The following PCDHA2 variants were observed in gnomAD, a reference collection of about 807,000 sequenced individuals.
PCDHA2 encodes the protein protocadherin alpha 2.
PCDHA2 carries 58 observed loss-of-function variants against 66.0 expected under a neutral mutation model. The ratio of observed to expected loss-of-function variants is 0.88; its 90% CI spans 0.71 to 1.09. The LOEUF (loss-of-function observed/expected upper bound fraction) is 1.09, where lower values mean the gene tolerates loss of function less well. Among genes scored for constraint, PCDHA2 ranks in the 50% least tolerant of loss-of-function variants. PCDHA2 has a pLI of 0.00. For missense variants in PCDHA2, 1,267 were observed against 1,242.3 expected (o/e 1.02, Z -0.30); for synonymous variants, 634 against 554.0 (o/e 1.14, Z -2.03).
intron 1 of PCDHA2, among the ~76,000 whole-genome samples, chr5:140,945,121 C>T (rs1412218992): frequency 6.6e-6 from 1 of 152,042 alleles, no homozygotes; most frequent in East Asian, 1.9e-4. Context: ...GATAAAAAAT[C>T]AACTTACAAA....
At position 140,982,478 on chromosome 5, in the gene PCDHA2, T is replaced by C; in HGVS notation, c.2451T>C (p.Ser817=). ...CTGGGTCTGTGTGTTTATTCAGCTCTGTGCACCTAGAGGAGGCTGGCATTC... is the reference window on the plus strand; with the variant it reads ...CTGGGTCTGTGTGTTTATTCAGCTCCGTGCACCTAGAGGAGGCTGGCATTC... ...SASLRAGMHS[S]VHLEEAGILR... Residue 817 remains serine (S), a synonymous_variant, in exon 3 of 4, where the codon TCT becomes TCC. Coordinates refer to ENST00000526136, the MANE Select transcript of PCDHA2 (RefSeq NM_018905.3). 1 of 1,614,192 alleles carries C rather than the reference T, an allele frequency of 6.2e-7. No individual in the cohort carries two copies. The highest frequency in any genetic ancestry group is 2.2e-5 in the East Asian group (1 of 44,884).
chr5:140,857,920 G>T (rs2045011675), intron 1 of PCDHA2: 2 of 1,597,702 alleles, frequency 1.3e-6, no homozygotes, highest in East Asian at 2.2e-5. Context: ...TTCGCGTGGG[G>T]CTGTACACGG....
rs1762190329 is a variant in PCDHA2 at position 140,797,152 on chromosome 5, G to T, written c.2188G>T (p.Gly730Cys). The T allele has an allele frequency of 2.5e-6, 4 of 1,613,858 alleles. No individual in the cohort carries two copies. The highest frequency in any genetic ancestry group is 3.4e-6 in the Non-Finnish European group (4 of 1,179,994). ...ALRCSVPPTE[G>C]ARAPGKPTLV... is the part of the protein sequence containing the mutation. ...GCGGTGCTCGGTGCCACCCACCGAGGGTGCGCGCGCGCCAGGAAAGCCCAC... is the reference window on the plus strand; with the variant it reads ...GCGGTGCTCGGTGCCACCCACCGAGTGTGCGCGCGCGCCAGGAAAGCCCAC... Residue 730 changes from glycine (G) to cysteine (C), a missense_variant, in exon 1 of 4, where the codon GGT (glycine) becomes TGT (cysteine). Physicochemically the swap from Gly to Cys is radical, Grantham distance 159. Coordinates refer to ENST00000526136, the MANE Select transcript of PCDHA2 (RefSeq NM_018905.3).
chr5:140,869,043 A>G, intron 1 of PCDHA2: 2 of 1,530,132 alleles, frequency 1.3e-6, no homozygotes, highest in Non-Finnish European at 1.8e-6. Flanking sequence ...TTAACCTGAA[A>G]CTGAAGAATC....
chr5:140,833,449 T>C (rs2150208645), intron 1 of PCDHA2, among the ~76,000 whole-genome samples: 13 of 152,180 alleles, frequency 8.5e-5, no homozygotes, highest in African/African-American at 3.1e-4. Context: ...ATTTATCTAA[T>C]AAAATAAACT....
chr5:140,914,187 A>G (rs2076635858), intron 1 of PCDHA2, among the ~76,000 whole-genome samples: 1 of 152,110 alleles, frequency 6.6e-6, no homozygotes, highest in African/African-American at 2.4e-5. Flanking sequence ...TTCTCCACCT[A>G]TTATTGTATT....
chr5:140,841,900 G>A lies in PCDHA2; in HGVS notation c.2388+44548G>A. On this transcript the variant is annotated intron_variant, in intron 1 of 3. Coordinates refer to ENST00000526136, the MANE Select transcript of PCDHA2 (RefSeq NM_018905.3). ...AGAACGATGAGAATAAACTGGTTGA[G>A]CTCGTATTAAGAAAATCCTTGGACA... 4 of 1,613,856 alleles carry A rather than the reference G, an allele frequency of 2.5e-6. 1 individual carries two copies. Among genetic ancestry groups the A allele is most frequent in the Non-Finnish European group, 3.4e-6 (4 of 1,179,838 alleles).
intron 1 of PCDHA2, chr5:140,836,083 C>T (rs2150252253): frequency 1.9e-6 from 3 of 1,613,306 alleles, no homozygotes; most frequent in African/African-American, 2.7e-5. Context: ...GCACTGCTGG[C>T]GCCTCGGGTG....
At chr5:140,826,372 A>G (rs1554130542) in intron 1 of PCDHA2, among the ~76,000 whole-genome samples, 1 of 152,228 alleles carries the variant, frequency 6.6e-6, no homozygotes, top group Admixed American at 6.5e-5. Flanking sequence ...TGCAATAGAA[A>G]GTCAGTGATA....
intron 3 of PCDHA2, among the ~76,000 whole-genome samples, chr5:140,994,578 A>C (rs1563601392): frequency 6.6e-6 from 1 of 151,958 alleles, no homozygotes; most frequent in Non-Finnish European, 1.5e-5. Context: ...GGTGGCATGC[A>C]CTTGTAGTCT....
At chr5:140,877,317 G>T (rs535177109) in intron 1 of PCDHA2, 2 of 1,614,004 alleles carry the variant, frequency 1.2e-6, no homozygotes, top group South Asian at 1.1e-5. Context: ...AACCGGCGGC[G>T]GTCGGCGCGC....
chr5:140,872,861 C>T (rs1554166414), intron 1 of PCDHA2, among the ~76,000 whole-genome samples: 1 of 152,182 alleles, frequency 6.6e-6, no homozygotes, highest in African/African-American at 2.4e-5. Context: ...TGAGTACCTA[C>T]TGACAATTAT....
At chr5:140,883,283 G>C (rs782514861) in intron 1 of PCDHA2, 2 of 1,613,916 alleles carry the variant, frequency 1.2e-6, no homozygotes, top group Admixed American at 1.7e-5. Context: ...CCTTTTGGTG[G>C]AAGTACTAGA....
At chr5:140,809,685 T>A in intron 1 of PCDHA2, 2 of 1,300,104 alleles carry the variant, frequency 1.5e-6, no homozygotes, top group South Asian at 1.5e-5. Context: ...TACCTCTTTT[T>A]ACATATCCAT....
intron 3 of PCDHA2, among the ~76,000 whole-genome samples, chr5:140,996,976 G>A (rs573896136): frequency 2.6e-5 from 4 of 152,078 alleles, no homozygotes; most frequent in East Asian, 3.9e-4. Flanking sequence ...CTCCCCTTTG[G>A]TGAAGCAACC....
intron 1 of PCDHA2, chr5:140,868,910 T>C: frequency 2.3e-6 from 2 of 888,770 alleles, no homozygotes; most frequent in South Asian, 3.8e-5. Flanking sequence ...GCTCTTTACT[T>C]GGTGGAAAGT....
chr5:140,876,732 C>T, intron 1 of PCDHA2: 1 of 1,614,246 alleles, frequency 6.2e-7, no homozygotes, highest in South Asian at 1.1e-5. Context: ...GCGTGTCGGC[C>T]TATGAGCTGG....
At chr5:140,833,940 T>A (rs2150212257) in intron 1 of PCDHA2, among the ~76,000 whole-genome samples, 16 of 152,236 alleles carry the variant, frequency 1.1e-4, no homozygotes, top group Non-Finnish European at 1.9e-4. Context: ...GTCACTTAGG[T>A]TTCTATCTTT....
intron 1 of PCDHA2, chr5:140,823,703 G>A: frequency 1.2e-6 from 2 of 1,613,934 alleles, no homozygotes; most frequent in South Asian, 2.2e-5. Flanking sequence ...GAAGCACCGC[G>A]CCACCGCCTT....
Sources: allele counts gnomAD v4.1 joint callset (sites outside exome capture counted in the v4.1 genomes callset), GRCh38; gene constraint gnomAD v4.1.1; transcripts MANE v1.5; gene names NCBI Gene and HGNC (gene_info 2026-07-23, HGNC 2026-07-21).